RGS9: variants seen among roughly 807,000 people sequenced by gnomAD.
RGS9 encodes the protein regulator of G-protein signalling 9.
In RGS9, 78 loss-of-function variants were observed where a neutral mutation model predicts 102.0. That is an observed-to-expected ratio of 0.76 (90% CI 0.64 to 0.92). The LOEUF is 0.92. Ranked by LOEUF, RGS9 falls within the 40% of genes least tolerant of loss-of-function variation. The pLI, the probability that RGS9 is intolerant of heterozygous loss-of-function variation, is 0.00. For missense variants in RGS9, 833 were observed against 866.1 expected (o/e 0.96, Z 0.48); for synonymous variants, 353 against 318.6 (o/e 1.11, Z -1.15).
intron 17 of RGS9, among the ~76,000 whole-genome samples, chr17:65,214,250 A>G (rs1458815020): frequency 6.6e-6 from 1 of 152,240 alleles, no homozygotes; most frequent in African/African-American, 2.4e-5. Flanking sequence ...GGCATGAACA[A>G]TTGCACCTGC....
intron 2 of RGS9, among the ~76,000 whole-genome samples, chr17:65,154,083 G>C (rs1025167159): frequency 6.6e-6 from 1 of 152,184 alleles, no homozygotes; most frequent in African/African-American, 2.4e-5. Flanking sequence ...GAGGCAGGTG[G>C]ATCACCTGAG....
At chr17:65,221,601 C>T (rs1258617811) in intron 17 of RGS9, among the ~76,000 whole-genome samples, 2 of 152,186 alleles carry the variant, frequency 1.3e-5, no homozygotes, top group Non-Finnish European at 2.9e-5. Flanking sequence ...GGTATGAGCT[C>T]AGTTTTCCAG....
At chr17:65,138,858 C>G (rs1910013052) in intron 1 of RGS9, among the ~76,000 whole-genome samples, 1 of 139,124 alleles carries the variant, frequency 7.2e-6, no homozygotes, top group East Asian at 2.3e-4. Flanking sequence ...TCCATCATGA[C>G]TCTTCTCTGG....
intron 9 of RGS9, among the ~76,000 whole-genome samples, chr17:65,184,255 T>C (rs1912017240): frequency 6.6e-6 from 1 of 152,208 alleles, no homozygotes; most frequent in Admixed American, 6.5e-5. Flanking sequence ...TAAGATATAA[T>C]AATATTGATA....
intron 1 of RGS9, among the ~76,000 whole-genome samples, chr17:65,141,162 C>T (rs961987265): frequency 3.9e-5 from 6 of 152,186 alleles, no homozygotes; most frequent in South Asian, 4.1e-4. Flanking sequence ...TGCCTGGGCT[C>T]GTTTCAGATG....
chr17:65,179,307 C>G (rs1911763411), intron 9 of RGS9, among the ~76,000 whole-genome samples: 1 of 152,170 alleles, frequency 6.6e-6, no homozygotes, highest in Admixed American at 6.5e-5. Context: ...TGTCCACAAG[C>G]TGGAGAGACC....
At position 65,153,244 on chromosome 17, in the gene RGS9, G is replaced by A. The variant is rs1320144336; in HGVS notation, c.58-178G>A. Among the ~76,000 whole-genome samples the A allele has an allele frequency of 2.0e-5, 3 of 152,326 alleles. No homozygotes were observed. The East Asian group carries it at 5.8e-4, about 29-fold the overall frequency. ...CAGGGATGGGATCTGTGTCTGTGGA[G>A]CACACCTTAGTCCTGGTTGCATTAG... On this transcript the variant is annotated intron_variant, in intron 1 of 18. Coordinates refer to ENST00000262406, the MANE Select transcript of RGS9 (RefSeq NM_003835.4).
chr17:65,178,730 C>A (rs1567874638), intron 9 of RGS9, among the ~76,000 whole-genome samples: 1 of 152,186 alleles, frequency 6.6e-6, no homozygotes, highest in Non-Finnish European at 1.5e-5. Flanking sequence ...GTCTTGAACT[C>A]CTGGGCTCAA....
chr17:65,194,897 A>G (rs1415806411), intron 12 of RGS9, among the ~76,000 whole-genome samples: 3 of 152,160 alleles, frequency 2.0e-5, no homozygotes, highest in Admixed American at 1.3e-4. Flanking sequence ...CTGGCCTGGG[A>G]GGGCCCTGAT....
At chr17:65,203,295 G>C (rs1912926659) in intron 14 of RGS9, among the ~76,000 whole-genome samples, 1 of 152,186 alleles carries the variant, frequency 6.6e-6, no homozygotes, top group Non-Finnish European at 1.5e-5. Flanking sequence ...GGGGTGCAGT[G>C]GGGAGGGCTG....
rs1192058279 is a variant in RGS9, at chr17:65,173,731, C to G, written c.583-4001C>G. ...ATTTCCTGGGCGCTGACAGTCAGTT[C>G]TGGTTAACTTCATCTGAACACCCTG... On this transcript the variant is annotated intron_variant, in intron 8 of 18. Transcript: ENST00000262406. This position sits in a 1 kb window ranked among gnomAD's most constrained non-coding sequence, Gnocchi z 4.8. Among the ~76,000 whole-genome samples, 1 of 152,190 alleles carries G rather than the reference C, an allele frequency of 6.6e-6. No homozygotes were observed. Among genetic ancestry groups the G allele is most frequent in the African/African-American group, 2.4e-5 (1 of 41,440 alleles).
chr17:65,205,092 C>T (rs949020552), intron 15 of RGS9, among the ~76,000 whole-genome samples: 22 of 151,972 alleles, frequency 1.4e-4, no homozygotes, highest in Admixed American at 7.9e-4. Flanking sequence ...TAACAAAGTG[C>T]GAATGCGGTG....
At chr17:65,211,985 G>A (rs148124098) in intron 17 of RGS9, among the ~76,000 whole-genome samples, 228 of 152,328 alleles carry the variant, frequency 1.5e-3, no homozygotes, top group African/African-American at 5.2e-3. Flanking sequence ...CATCTGTCTA[G>A]GAGTGTTGCA....
intron 8 of RGS9, 127 bp downstream of exon 8, chr17:65,168,408 T>G (rs1053667404): frequency 1.4e-6 from 1 of 728,046 alleles, no homozygotes; most frequent in Non-Finnish European, 2.5e-6. Context: ...GAGGAGCTGC[T>G]CAGTGTTGGG....
intron 1 of RGS9, among the ~76,000 whole-genome samples, chr17:65,147,089 C>T (rs971773136): frequency 1.3e-5 from 2 of 152,180 alleles, no homozygotes; most frequent in African/African-American, 4.8e-5. Flanking sequence ...TTGCTTCCCT[C>T]ATTGCTGCTG....
chr17:65,167,376 A>G (rs528185857), intron 7 of RGS9, among the ~76,000 whole-genome samples: 10 of 151,952 alleles, frequency 6.6e-5, no homozygotes, highest in Admixed American at 3.3e-4. Flanking sequence ...ACATTTTTAT[A>G]TTTTTGGTAG....
chr17:65,166,410 A>G (rs570188998), intron 7 of RGS9, among the ~76,000 whole-genome samples: 1 of 152,330 alleles, frequency 6.6e-6, no homozygotes, highest in South Asian at 2.1e-4. Context: ...GCAATTCTGT[A>G]TTGATTCTTT....
chr17:65,160,276 T>A lies in RGS9; in HGVS notation c.249T>A (p.Ile83=), dbSNP rs765213240. ...ACTTTATTGTCAGGTATGGCTACAT[T>A]TACCCCCTGCAAGACCCCAAGAATC... ...LGNFIVRYGY[I]YPLQDPKNLI... The change falls in exon 4 of 19, where the codon ATT becomes ATA. Residue 83 remains isoleucine (I), a synonymous_variant. Transcript: ENST00000262406. 6.2e-7 allele frequency: 1 copy of A among 1,614,214 alleles called. No homozygotes were observed. Among genetic ancestry groups the A allele is most frequent in the Non-Finnish European group, 8.5e-7 (1 of 1,180,044 alleles).
intron 2 of RGS9, among the ~76,000 whole-genome samples, chr17:65,156,119 G>A (rs1910758308): frequency 1.3e-5 from 2 of 152,142 alleles, no homozygotes; most frequent in South Asian, 4.1e-4. Flanking sequence ...TGCCTCCTGG[G>A]TTCAAGCGAT....
Sources: allele counts gnomAD v4.1 joint callset (sites outside exome capture counted in the v4.1 genomes callset), GRCh38; gene constraint gnomAD v4.1.1; non-coding constraint Gnocchi (gnomAD v3.1); transcripts MANE v1.5; gene names NCBI Gene and HGNC (gene_info 2026-07-23, HGNC 2026-07-21).